USH2A: variants seen among roughly 807,000 people sequenced by gnomAD.
USH2A encodes the protein Usher syndrome 2A (autosomal recessive, mild).
A neutral mutation model predicts 538.9 loss-of-function variants in USH2A; 443 were observed. The observed-to-expected ratio is 0.82, with a 90% CI of 0.76 to 0.89. The LOEUF is 0.89. Ranked by LOEUF, USH2A falls within the 40% of genes least tolerant of loss-of-function variation. The pLI is 0.00. For missense variants in USH2A, 6,633 were observed against 6,324.8 expected (o/e 1.05, Z -1.65); for synonymous variants, 2,413 against 2,273.5 (o/e 1.06, Z -1.75).
At chr1:215,737,601 C>T (rs1384249172) in intron 60 of USH2A, among the ~76,000 whole-genome samples, 1 of 151,800 alleles carries the variant, frequency 6.6e-6, no homozygotes, top group East Asian at 1.9e-4. Context: ...GGTAAAAGGG[C>T]TTAGGTCTCA....
intron 32 of USH2A, among the ~76,000 whole-genome samples, chr1:216,014,680 G>A (rs1443770665): frequency 6.6e-6 from 1 of 152,142 alleles, no homozygotes; most frequent in Non-Finnish European, 1.5e-5. Context: ...TTGTGGACAG[G>A]GAAAAACAGA....
At chr1:216,213,731 T>C (rs1251215883) in intron 15 of USH2A, among the ~76,000 whole-genome samples, 4 of 151,822 alleles carry the variant, frequency 2.6e-5, no homozygotes, top group African/African-American at 9.7e-5. Context: ...AAAAGCTTGG[T>C]AAATTGACTT....
chr1:215,740,242 T>C (rs556548127), intron 60 of USH2A, among the ~76,000 whole-genome samples: 2 of 152,284 alleles, frequency 1.3e-5, no homozygotes, highest in South Asian at 4.2e-4. Flanking sequence ...CATTCATTAT[T>C]TATTTAAAGA....
At chr1:215,957,001 T>C (rs1667083843) in intron 37 of USH2A, among the ~76,000 whole-genome samples, 1 of 152,204 alleles carries the variant, frequency 6.6e-6, no homozygotes, top group African/African-American at 2.4e-5. Context: ...ATTAACAATA[T>C]GGCCATAATT....
At chr1:215,760,671 T>G (rs1234027027) in intron 56 of USH2A, among the ~76,000 whole-genome samples, 1 of 152,206 alleles carries the variant, frequency 6.6e-6, no homozygotes, top group Non-Finnish European at 1.5e-5. Flanking sequence ...CTATCCATTT[T>G]CTTGGACAAA....
intron 21 of USH2A, among the ~76,000 whole-genome samples, chr1:216,149,407 C>G (rs112656688): frequency 1.1e-4 from 16 of 152,058 alleles, no homozygotes; most frequent in Admixed American, 2.6e-4. Flanking sequence ...TTCAGTGGAA[C>G]CTTCATACCC....
At chr1:216,241,060 T>A (rs764225726) in intron 13 of USH2A, among the ~76,000 whole-genome samples, 2 of 152,138 alleles carry the variant, frequency 1.3e-5, no homozygotes, top group Non-Finnish European at 2.9e-5. Flanking sequence ...GAAAATATAG[T>A]CAAATCATAT....
chr1:215,625,718 A>T lies in USH2A; in HGVS notation c.*63T>A. The T allele has an allele frequency of 6.9e-7, 1 of 1,455,512 alleles. No homozygotes were observed. The highest frequency in any genetic ancestry group is 9.7e-7 in the Non-Finnish European group (1 of 1,035,596). 90.2% of individuals were successfully genotyped at this position (1,455,512 alleles called of 1,614,324 possible). On this transcript the variant is annotated 3_prime_UTR_variant, in exon 72 of 72. Transcript: ENST00000307340. ...TCAGCATTTATGATGTGTGAGTGAT[A>T]ACCCAGGAGGAAATGGGTGCAGACC...
rs10707482 is a variant in USH2A at position 216,417,265 on chromosome 1, TAAA to T, written c.651+1246_651+1248del. On this transcript the variant is annotated intron_variant, in intron 3 of 71. Transcript: ENST00000307340. ...GCACACTCATTATCTGCTTCAAGAT[TAAA>T]AAAAAAAAAAAAAGTGAGAAATCAA... Among the ~76,000 whole-genome samples, 259 of 135,094 alleles carry T rather than the reference TAAA, an allele frequency of 1.9e-3. 5 individuals are homozygous for T. The highest frequency in any genetic ancestry group is 6.3e-3 in the African/African-American group (241 of 37,978). 88.6% of individuals were successfully genotyped at this position (135,094 alleles called of 152,430 possible). A position where few individuals can be genotyped will look rare whatever the true frequency, so the allele number is the denominator to read the frequency against.
At chr1:216,095,658 AGGAG>A (rs2032424587) in intron 22 of USH2A, among the ~76,000 whole-genome samples, 1 of 152,152 alleles carries the variant, frequency 6.6e-6, no homozygotes, top group African/African-American at 2.4e-5. Flanking sequence ...TCAAGTCATG[AGGAG>A]GGAGCCTTTC....
At position 215,669,058 on chromosome 1, in the gene USH2A, C is replaced by G. The variant is rs899437734; in HGVS notation, c.14133+1914G>C. On this transcript the variant is annotated intron_variant, in intron 64 of 71. Transcript: ENST00000307340. The stretch of plus-strand genomic sequence containing the variant: ...ACTCTGTCTCGAACAAAGAAACAAA[C>G]AAACAAACAAAAACTGGAATGAGAC... 2.6e-5 allele frequency among the ~76,000 whole-genome samples: 4 copies of G among 152,082 alleles called. No homozygotes were observed. The East Asian group carries it at 5.8e-4, about 22-fold the overall frequency.
At chr1:216,274,076 A>T (rs898680504) in intron 11 of USH2A, among the ~76,000 whole-genome samples, 1 of 152,096 alleles carries the variant, frequency 6.6e-6, no homozygotes, top group Non-Finnish European at 1.5e-5. Context: ...GAACACTAAC[A>T]TTTAAGAACT....
At chr1:216,345,374 A>G (rs1412012763) in intron 4 of USH2A, among the ~76,000 whole-genome samples, 1 of 152,090 alleles carries the variant, frequency 6.6e-6, no homozygotes, top group Non-Finnish European at 1.5e-5. Context: ...CCAGGACAGA[A>G]AAAAAGACAA....
At chr1:216,390,331 A>G (rs1421579251) in intron 3 of USH2A, among the ~76,000 whole-genome samples, 2 of 152,162 alleles carry the variant, frequency 1.3e-5, no homozygotes, top group Non-Finnish European at 2.9e-5. Flanking sequence ...TCAGATTATT[A>G]GATCTATATG....
rs1655893201 is a variant in USH2A at position 215,623,775 on chromosome 1, T to C, written c.*2006A>G. 6.6e-6 allele frequency: 1 copy of C among 152,194 alleles called. No individual in the cohort carries two copies. Among genetic ancestry groups the C allele is most frequent in the African/African-American group, 2.4e-5 (1 of 41,464 alleles). 9.4% of individuals were successfully genotyped at this position (152,194 alleles called of 1,614,324 possible). A position where few individuals can be genotyped will look rare whatever the true frequency, so the allele number is the denominator to read the frequency against. On this transcript the variant is annotated 3_prime_UTR_variant, in exon 72 of 72. Transcript: ENST00000307340. ...TTTTTTGTGCGTTGTTAAAATTTTA[T>C]ACTGTGCTTGGAAAAATACACAGTG... is the stretch of plus-strand genomic sequence containing the variant.
intron 4 of USH2A, among the ~76,000 whole-genome samples, chr1:216,328,169 C>T (rs190076858): frequency 2.6e-5 from 4 of 152,210 alleles, no homozygotes; most frequent in East Asian, 1.9e-4. Context: ...GAGGACTCAT[C>T]GAAGACTTCC....
chr1:216,084,567 T>C (rs1438805802), intron 25 of USH2A, 131 bp downstream of exon 25: 2 of 912,276 alleles, frequency 2.2e-6, no homozygotes, highest in Non-Finnish European at 3.3e-6. Context: ...GTGTGCACCA[T>C]TGGAATAACT....
intron 49 of USH2A, among the ~76,000 whole-genome samples, chr1:215,810,154 T>C (rs997171267): frequency 6.6e-6 from 1 of 152,174 alleles, no homozygotes; most frequent in African/African-American, 2.4e-5. Context: ...ATTTGGGGCA[T>C]GCTCAATGGT....
At chr1:215,786,481 T>C (rs1661804143) in intron 52 of USH2A, among the ~76,000 whole-genome samples, 189 bp downstream of exon 52, 1 of 152,258 alleles carries the variant, frequency 6.6e-6, no homozygotes, top group South Asian at 2.1e-4. Flanking sequence ...TAACACATTT[T>C]AAAGTACTGA....
Sources: allele counts gnomAD v4.1 joint callset (sites outside exome capture counted in the v4.1 genomes callset), GRCh38; gene constraint gnomAD v4.1.1; transcripts MANE v1.5; gene names NCBI Gene and HGNC (gene_info 2026-07-23, HGNC 2026-07-21).